LRMDA: variants seen among roughly 807,000 people sequenced by gnomAD.
The protein encoded by LRMDA is leucine rich melanocyte differentiation associated.
Under a neutral mutation model 29.8 loss-of-function variants are expected in LRMDA, and 18 were observed. The ratio of observed to expected loss-of-function variants is 0.60; its 90% CI spans 0.42 to 0.90. The LOEUF is 0.90. Ranked by LOEUF, LRMDA falls within the 40% of genes least tolerant of loss-of-function variation. LRMDA has a pLI of 0.00. For synonymous variants in LRMDA, 125 were observed against 109.4 expected (o/e 1.14, Z -0.89); for missense variants, 273 against 273.9 (o/e 1.00, Z 0.02).
intron 5 of LRMDA, among the ~76,000 whole-genome samples, chr10:76,262,139 G>A (rs1031703234): frequency 3.3e-5 from 5 of 152,080 alleles, no homozygotes; most frequent in Non-Finnish European, 5.9e-5. Context: ...CCCAGGAGGT[G>A]GAGGTGGGAG....
At chr10:76,384,141 T>A (rs754239575) in intron 6 of LRMDA, among the ~76,000 whole-genome samples, 10 of 152,222 alleles carry the variant, frequency 6.6e-5, no homozygotes, top group Non-Finnish European at 1.5e-4. Flanking sequence ...ATGAATGGTT[T>A]CCCTGTTCTT....
chr10:76,130,227 A>G (rs1367900632), intron 5 of LRMDA, among the ~76,000 whole-genome samples: 1 of 151,930 alleles, frequency 6.6e-6, no homozygotes, highest in Non-Finnish European at 1.5e-5. Context: ...AGACTCATCC[A>G]GAATATTTTC....
chr10:76,093,472 C>T (rs1276661369), intron 5 of LRMDA, among the ~76,000 whole-genome samples: 1 of 152,120 alleles, frequency 6.6e-6, no homozygotes, highest in Non-Finnish European at 1.5e-5. Flanking sequence ...AGCTCCTTCT[C>T]CCACCTGAAA....
intron 2 of LRMDA, among the ~76,000 whole-genome samples, chr10:75,691,740 G>A (rs924839038): frequency 2.0e-5 from 3 of 152,180 alleles, no homozygotes; most frequent in African/African-American, 7.2e-5. Context: ...AGAGGAAGGA[G>A]AGGTGTTGGA....
chr10:76,520,394 A>G (rs1016376678), intron 6 of LRMDA, among the ~76,000 whole-genome samples: 2 of 152,072 alleles, frequency 1.3e-5, no homozygotes, highest in African/African-American at 4.8e-5. Context: ...TGTTTTAAAA[A>G]TTACAAACAT....
chr10:76,211,180 C>T (rs967737932), intron 5 of LRMDA, among the ~76,000 whole-genome samples: 1 of 152,196 alleles, frequency 6.6e-6, no homozygotes, highest in Non-Finnish European at 1.5e-5. Flanking sequence ...TCCTCTCTGT[C>T]TGCACCTATC....
intron 2 of LRMDA, among the ~76,000 whole-genome samples, chr10:75,795,315 A>G (rs1168314753): frequency 6.6e-6 from 1 of 152,020 alleles, no homozygotes; most frequent in Non-Finnish European, 1.5e-5. Context: ...AATTGCTTGA[A>G]CCTGGGAGGT....
intron 2 of LRMDA, among the ~76,000 whole-genome samples, chr10:75,550,666 T>G (rs1234239042): frequency 6.6e-6 from 1 of 152,150 alleles, no homozygotes; most frequent in Non-Finnish European, 1.5e-5. Context: ...ATGTAACTAT[T>G]GGTATAGTTG....
At chr10:75,697,503 C>CTT (rs774890897) in intron 2 of LRMDA, among the ~76,000 whole-genome samples, 2 of 134,926 alleles carry the variant, frequency 1.5e-5, no homozygotes, top group East Asian at 2.2e-4. Context: ...GAGGAGCATT[C>CTT]TTTTTTTTTT....
intron 2 of LRMDA, among the ~76,000 whole-genome samples, chr10:75,548,113 A>C (rs959422670): frequency 7.3e-5 from 11 of 151,612 alleles, no homozygotes; most frequent in African/African-American, 1.7e-4. Context: ...AAAAAAAAAA[A>C]CACAACACTC....
intron 5 of LRMDA, among the ~76,000 whole-genome samples, chr10:76,152,091 G>A (rs180997489): frequency 7.4e-4 from 112 of 152,224 alleles, no homozygotes; most frequent in Non-Finnish European, 1.3e-3. Context: ...TATCCACAAG[G>A]TTGTGCAACT....
chr10:76,007,977 C>T (rs113732018), intron 2 of LRMDA, among the ~76,000 whole-genome samples: 4 of 152,268 alleles, frequency 2.6e-5, no homozygotes, highest in Admixed American at 6.5e-5. Context: ...ATGAGTGTTC[C>T]GAACTGTGGG....
chr10:76,372,658 C>T (rs1841468693), intron 6 of LRMDA, among the ~76,000 whole-genome samples: 1 of 32,538 alleles, frequency 3.1e-5, no homozygotes, highest in Non-Finnish European at 9.9e-5. Flanking sequence ...AAAAGAAATC[C>T]TTAATTCCCA....
chr10:75,519,556 T>G (rs1406848682), intron 2 of LRMDA, among the ~76,000 whole-genome samples: 2 of 152,226 alleles, frequency 1.3e-5, no homozygotes, highest in Non-Finnish European at 2.9e-5. Flanking sequence ...CATCCCTTTA[T>G]TTTGAGCCTA....
chr10:75,883,111 T>C (rs2132345587), intron 2 of LRMDA: 1 of 152,428 alleles, frequency 6.6e-6, no homozygotes. Flanking sequence ...AGCACGCTGG[T>C]TGCTCCAGTG....
chr10:75,795,372 G>A (rs1032952872), intron 2 of LRMDA, among the ~76,000 whole-genome samples: 6 of 151,844 alleles, frequency 4.0e-5, no homozygotes, highest in Non-Finnish European at 7.4e-5. Flanking sequence ...CAGCATGGGC[G>A]ACAGAGCAAG....
chr10:76,506,071 C>T (rs569923776), intron 6 of LRMDA, among the ~76,000 whole-genome samples: 11 of 152,220 alleles, frequency 7.2e-5, no homozygotes, highest in African/African-American at 2.6e-4. Context: ...GGGTTCCCAG[C>T]TTCCTCCCTC....
At chr10:75,641,910 T>A (rs1283069061) in intron 2 of LRMDA, among the ~76,000 whole-genome samples, 2 of 152,180 alleles carry the variant, frequency 1.3e-5, no homozygotes, top group African/African-American at 2.4e-5. Context: ...TAAATATTCT[T>A]TGTCAGGCCA....
chr10:75,917,253 C>T (rs1346048610), intron 2 of LRMDA, among the ~76,000 whole-genome samples: 1 of 152,148 alleles, frequency 6.6e-6, no homozygotes, highest in East Asian at 1.9e-4. Flanking sequence ...TGTGGCCTCT[C>T]CTCTGTCTCC....
Sources: gnomAD v4.1 joint callset for allele counts (sites outside exome capture counted in the v4.1 genomes callset) on GRCh38, gnomAD v4.1.1 for gene constraint, MANE v1.5 for transcripts, NCBI Gene and HGNC (gene_info 2026-07-23, HGNC 2026-07-21) for gene names.